Variants in ASAP2 observed in about 807,000 individuals in gnomAD.
ASAP2 encodes arf-GAP with SH3 domain, ANK repeat and PH domain-containing protein 2.
ASAP2 carries 45 observed loss-of-function variants against 131.4 expected under a neutral mutation model. The ratio of observed to expected loss-of-function variants is 0.34; its 90% CI spans 0.27 to 0.44. ASAP2 has a LOEUF of 0.44. Among genes scored for constraint, ASAP2 ranks in the 20% least tolerant of loss-of-function variants. The pLI, the probability that ASAP2 is intolerant of heterozygous loss-of-function variation, is 1.00. For missense variants in ASAP2, 1,011 were observed against 1,297.0 expected (o/e 0.78, Z 3.39); for synonymous variants, 510 against 503.0 (o/e 1.01, Z -0.19).
intron 3 of ASAP2, among the ~76,000 whole-genome samples, chr2:9,315,803 T>C (rs1486952980): frequency 6.6e-6 from 1 of 152,148 alleles, no homozygotes; most frequent in African/African-American, 2.4e-5. Context: ...ATTTAATGCT[T>C]AAGGCTGATC....
chr2:9,380,955 T>C, intron 20 of ASAP2, 147 bp downstream of exon 20: 2 of 908,096 alleles, frequency 2.2e-6, no homozygotes, highest in Non-Finnish European at 3.3e-6. Flanking sequence ...TCAGCCTGCC[T>C]TGGAGAAGGT....
At chr2:9,302,652 T>C (rs1451681942) in intron 3 of ASAP2, among the ~76,000 whole-genome samples, 2 of 151,956 alleles carry the variant, frequency 1.3e-5, no homozygotes, top group African/African-American at 4.8e-5. Flanking sequence ...GTTTTGTATT[T>C]TTAGTACAGA....
At chr2:9,210,780 CTA>C in intron 1 of ASAP2, among the ~76,000 whole-genome samples, 10 of 152,074 alleles carry the variant, frequency 6.6e-5, no homozygotes, top group East Asian at 3.9e-4. Flanking sequence ...GGTCGATGGT[CTA>C]GATCTCCTGA....
intron 12 of ASAP2, 115 bp downstream of exon 12, chr2:9,351,010 C>A (rs1041725014): frequency 1.1e-5 from 8 of 759,108 alleles, no homozygotes; most frequent in Non-Finnish European, 1.6e-5. Context: ...AAGAGACATA[C>A]CCTTTTTCTA....
rs574621027 is a variant in ASAP2, at chr2:9,270,959, AT to A, written c.127-8351del. Among the ~76,000 whole-genome samples the A allele has an allele frequency of 1.5e-3, 226 of 149,890 alleles. 1 individual carries two copies. Among genetic ancestry groups the A allele is most frequent in the African/African-American group, 5.0e-3 (206 of 40,822 alleles). ...AGGTGCCCGCCACTACGCCCGGCTA[AT>A]TTTTTTGTATTTTTAGTAGAGACGG... On this transcript the variant is annotated intron_variant, in intron 1 of 27. Transcript: ENST00000281419.
chr2:9,292,720 T>C lies in ASAP2; in HGVS notation c.200-4580T>C, dbSNP rs192279463. 5.6e-4 allele frequency among the ~76,000 whole-genome samples: 86 copies of C among 152,294 alleles called. 1 individual carries two copies. The Middle Eastern group carries it at 0.014, about 24-fold the overall frequency. On this transcript the variant is annotated intron_variant, in intron 2 of 27. Transcript: ENST00000281419. ...CCTCAGCGCCTAGCACATTGCCTGA[T>C]GCATTGTAAGTGATCAGTGCATAGA...
intron 21 of ASAP2, 89 bp downstream of exon 21, chr2:9,385,447 G>A: frequency 2.9e-6 from 3 of 1,025,898 alleles, no homozygotes; most frequent in South Asian, 1.4e-5. Context: ...GCAGAAAGCT[G>A]TTTTATAGAA....
At chr2:9,272,602 C>T (rs376797241) in intron 1 of ASAP2, among the ~76,000 whole-genome samples, 4 of 152,244 alleles carry the variant, frequency 2.6e-5, no homozygotes, top group African/African-American at 9.6e-5. Flanking sequence ...GTTGCCTGTG[C>T]TTGTGGGGCA....
intron 1 of ASAP2, among the ~76,000 whole-genome samples, chr2:9,234,035 C>G (rs899118877): frequency 1.3e-5 from 2 of 149,340 alleles, no homozygotes; most frequent in African/African-American, 4.9e-5. Context: ...TGCTTGAACC[C>G]GGGAGGCGGA....
intron 1 of ASAP2, among the ~76,000 whole-genome samples, chr2:9,246,071 C>A (rs1486568502): frequency 6.6e-6 from 1 of 152,202 alleles, no homozygotes; most frequent in African/African-American, 2.4e-5. Context: ...TGTTGACTGG[C>A]AGGAGCCCTG....
rs3053782 is a variant in ASAP2 at position 9,266,147 on chromosome 2, CTTTT to C, written c.127-13157_127-13154del. On this transcript the variant is annotated intron_variant, in intron 1 of 27. Coordinates refer to ENST00000281419, the MANE Select transcript of ASAP2 (RefSeq NM_003887.3). Reference sequence around the variant, plus strand: ...TTTATAAAAACGATTGCCTTTTTATCTTTTTTTTTTTTTTTTGGACACAGGATCT... The same window carrying C: ...TTTATAAAAACGATTGCCTTTTTATCTTTTTTTTTTTTGGACACAGGATCT... 1.5e-3 allele frequency among the ~76,000 whole-genome samples: 206 copies of C among 133,874 alleles called. 2 individuals are homozygous for C. The highest frequency in any genetic ancestry group is 5.3e-3 in the African/African-American group (187 of 35,058). The allele number at this position is 133,874 out of a possible 152,430, so 87.8% of individuals were successfully genotyped here. A position where few individuals can be genotyped will look rare whatever the true frequency, so the allele number is the denominator to read the frequency against.
chr2:9,329,101 T>G (rs1400951971), intron 7 of ASAP2, among the ~76,000 whole-genome samples: 1 of 152,152 alleles, frequency 6.6e-6, no homozygotes, highest in African/African-American at 2.4e-5. Flanking sequence ...ATCTAAAGTA[T>G]GAGTAGGAGC....
At chr2:9,308,609 A>G (rs550175384) in intron 3 of ASAP2, among the ~76,000 whole-genome samples, 1 of 152,318 alleles carries the variant, frequency 6.6e-6, no homozygotes, top group Admixed American at 6.5e-5. Flanking sequence ...GCCCAGCCTC[A>G]GCTTAGCTTA....
intron 1 of ASAP2, among the ~76,000 whole-genome samples, chr2:9,241,538 T>C (rs59395423): frequency 0.035 from 5,342 of 152,236 alleles, 296 homozygotes; most frequent in African/African-American, 0.11. Flanking sequence ...GCCCAGGAGT[T>C]CGAGACCAGC....
At chr2:9,396,344 G>A (rs978002201) in intron 24 of ASAP2, among the ~76,000 whole-genome samples, 25 of 151,980 alleles carry the variant, frequency 1.6e-4, no homozygotes, top group African/African-American at 5.1e-4. Context: ...GTGTGATCAC[G>A]GTTCACCGCA....
chr2:9,235,244 C>G (rs990486229), intron 1 of ASAP2, among the ~76,000 whole-genome samples: 1 of 152,110 alleles, frequency 6.6e-6, no homozygotes, highest in Non-Finnish European at 1.5e-5. Flanking sequence ...ACCTTTTGGA[C>G]CACACAGATG....
rs2148852479 is a variant in ASAP2, at chr2:9,405,628, T to A, written c.*2301T>A. 6.5e-6 allele frequency: 1 copy of A among 152,760 alleles called. No individual in the cohort carries two copies. Among genetic ancestry groups the A allele is most frequent in the South Asian group, 2.1e-4 (1 of 4,830 alleles). The allele number at this position is 152,760 out of a possible 1,614,324, so 9.5% of individuals were successfully genotyped here. On this transcript the variant is annotated 3_prime_UTR_variant, in exon 28 of 28. Coordinates refer to ENST00000281419, the MANE Select transcript of ASAP2 (RefSeq NM_003887.3). ...AGAGCATGTTTAATAAGTTTACTCT[T>A]CTTGTTAACTAGTCATTTGACTGGA...
rs1160942679 is a variant in ASAP2, at chr2:9,207,975, C to T, written c.126+745C>T. On this transcript the variant is annotated intron_variant, in intron 1 of 27. Coordinates refer to ENST00000281419, the MANE Select transcript of ASAP2 (RefSeq NM_003887.3). The surrounding 1 kb of genome is among the most constrained non-coding windows in gnomAD (Gnocchi z 4.1). ...CATCACGCCTAGCTGCTAAGCAGTACGCTCTCCAGGTCCTGGGGAGAGGAA... is the reference window on the plus strand; with the variant it reads ...CATCACGCCTAGCTGCTAAGCAGTATGCTCTCCAGGTCCTGGGGAGAGGAA... Among the ~76,000 whole-genome samples, 2 of 152,156 alleles carry T rather than the reference C, an allele frequency of 1.3e-5. No homozygotes were observed. Among genetic ancestry groups the T allele is most frequent in the African/African-American group, 4.8e-5 (2 of 41,444 alleles).
At chr2:9,265,917 C>T (rs992434410) in intron 1 of ASAP2, among the ~76,000 whole-genome samples, 3 of 152,092 alleles carry the variant, frequency 2.0e-5, no homozygotes, top group Non-Finnish European at 4.4e-5. Flanking sequence ...GGATTACAGG[C>T]GCGTGCCACC....
Sources: allele counts gnomAD v4.1 joint callset (sites outside exome capture counted in the v4.1 genomes callset), GRCh38; gene constraint gnomAD v4.1.1; non-coding constraint Gnocchi (gnomAD v3.1); transcripts MANE v1.5; gene names NCBI Gene and HGNC (gene_info 2026-07-23, HGNC 2026-07-21).